MACF1: variants seen among roughly 807,000 people sequenced by gnomAD.
MACF1 encodes the protein microtubule actin crosslinking factor 1.
A neutral mutation model predicts 854.8 loss-of-function variants in MACF1; 193 were observed. That is an observed-to-expected ratio of 0.23 (90% CI 0.20 to 0.25). MACF1 has a LOEUF of 0.25. Among genes scored for constraint, MACF1 ranks in the 10% least tolerant of loss-of-function variants. The probability of loss-of-function intolerance (pLI) is 1.00; values close to 1 mark genes in which losing one functional copy is unlikely to be tolerated. For missense variants in MACF1, 7,722 were observed against 8,929.1 expected, an observed-to-expected ratio of 0.86 and a Z score of 5.45; for synonymous variants, 3,185 against 3,226.7, an observed-to-expected ratio of 0.99 and a Z score of 0.44.
Position 39,295,811 on chromosome 1 carries a change from C to T in MACF1, c.2284C>T (p.Gln762Ter). The change falls in exon 20 of 101, where the codon CAG becomes TAG. Residue 762 changes from glutamine to a stop codon, truncating the protein, a stop_gained. Coordinates refer to ENST00000564288, the MANE Select transcript of MACF1 (RefSeq NM_001394062.1). LOFTEE classifies it high-confidence loss of function. The stretch of plus-strand genomic sequence containing the variant: ...GGCTTACAGTGCTGCTGTCCAGTCC[C>T]AGTTGCAGTGGATGAAGCAGCTGTG... ...VEAYSAAVQS[Q>*]LQWMKQLCLC... The T allele has an allele frequency of 6.2e-7, 1 of 1,614,016 alleles. No homozygotes were observed.
intron 2 of MACF1, among the ~76,000 whole-genome samples, chr1:39,098,079 G>A (rs1349687772): frequency 6.6e-6 from 1 of 152,212 alleles, no homozygotes; most frequent in Non-Finnish European, 1.5e-5. Flanking sequence ...ACCCTGTCCT[G>A]CCTCAGAGCA....
At chr1:39,424,261 C>G in intron 61 of MACF1, 67 bp downstream of exon 61, 1 of 1,349,780 alleles carries the variant, frequency 7.4e-7, no homozygotes. Context: ...CTTATTATCA[C>G]TATAAGTTCT....
At chr1:39,086,890 G>A (rs574545403) in intron 2 of MACF1, among the ~76,000 whole-genome samples, 1 of 152,302 alleles carries the variant, frequency 6.6e-6, no homozygotes, top group East Asian at 1.9e-4. Flanking sequence ...TGAGGAGGGG[G>A]CTGGGCCAGT....
In MACF1 at chr1:39,440,971, T is replaced by A. The variant is rs367709712; in HGVS notation, c.18448-32T>A. The A allele has an allele frequency of 7.0e-5, 113 of 1,613,408 alleles. 2 individuals carry two copies. The East Asian group carries it at 2.1e-3, about 30-fold the overall frequency. ...TTGGTAAGTTCTGTTCTGTTTTCTATTTTGGCTTATATTCTATTCGTTTAC... is the reference window on the plus strand; with the variant it reads ...TTGGTAAGTTCTGTTCTGTTTTCTAATTTGGCTTATATTCTATTCGTTTAC... On this transcript the variant is annotated intron_variant, in intron 72 of 100. Transcript: ENST00000564288.
intron 1 of MACF1, among the ~76,000 whole-genome samples, chr1:39,209,152 G>A (rs199707117): frequency 6.7e-6 from 1 of 150,018 alleles, no homozygotes; most frequent in Non-Finnish European, 1.5e-5. Context: ...CTGGGGAGGC[G>A]GAGGTTGCAG....
chr1:39,422,817 G>A lies in MACF1; in HGVS notation c.16066G>A (p.Ala5356Thr), dbSNP rs1213129170. ...CTTGGAGCCATTGCTCAGCTGGTTG[G>A]CAGATACCGAGGAGCTCATAGCCAA... Reference protein sequence around the residue: ...DALEPLLSWLADTEELIANQK... With the variant: ...DALEPLLSWLTDTEELIANQK... The change falls in exon 60 of 101, where the codon GCA (alanine) becomes ACA (threonine). Residue 5356 changes from alanine to threonine, a missense_variant. Ala to Thr is a moderately conservative substitution (Grantham distance 58). Around this residue, in one of 15 missense-constraint regions of MACF1, gnomAD observed 2,807 missense variants for 3,235.8 expected, o/e 0.87. Coordinates refer to ENST00000564288, the MANE Select transcript of MACF1 (RefSeq NM_001394062.1). 6.2e-7 allele frequency: 1 copy of A among 1,614,168 alleles called. No homozygotes were observed. Among genetic ancestry groups the A allele is most frequent in the South Asian group, 1.1e-5 (1 of 91,078 alleles).
In MACF1 at chr1:39,331,358, T is replaced by A. The variant is rs1193747801; in HGVS notation, c.4770T>A (p.Gly1590=). 1.2e-6 allele frequency: 2 copies of A among 1,613,904 alleles called. No individual in the cohort carries two copies. Among genetic ancestry groups the A allele is most frequent in the South Asian group, 1.1e-5 (1 of 91,064 alleles). ...IMSGLIAPET[G]ENLSLEEGIA... ...CTGGCCTCATTGCCCCTGAGACGGG[T>A]GAAAACCTCTCTTTGGAGGAGGGCA... Residue 1590 remains glycine, a synonymous_variant, in exon 37 of 101, where the codon GGT becomes GGA. Transcript: ENST00000564288.
intron 5 of MACF1, 60 bp from the exon 6 acceptor site, chr1:39,257,876 A>G: frequency 2.3e-6 from 3 of 1,308,576 alleles, no homozygotes; most frequent in Middle Eastern, 1.9e-4. Flanking sequence ...AAGTGATGCA[A>G]AAATTTAATC....
intron 60 of MACF1, 83 bp from the exon 61 acceptor site, chr1:39,423,945 G>T: frequency 1.6e-6 from 2 of 1,253,044 alleles, no homozygotes; most frequent in African/African-American, 1.6e-5. Context: ...TTGGCGGGTT[G>T]GTTTCTTTTG....
At chr1:39,287,644 G>C in intron 15 of MACF1, 82 bp downstream of exon 15, 1 of 1,433,038 alleles carries the variant, frequency 7.0e-7, no homozygotes, top group Non-Finnish European at 9.7e-7. Context: ...AAATTGCTTT[G>C]TGTTCCCTGT....
At position 39,297,714 on chromosome 1, in the gene MACF1, C is replaced by G; in HGVS notation, c.2450C>G (p.Ser817Cys). ...TCCTGTGACCACAACACCAGCTTATCCCGCCTTGAAGACCTGCTCCAGGAC... is the reference window on the plus strand; with the variant it reads ...TCCTGTGACCACAACACCAGCTTATGCCGCCTTGAAGACCTGCTCCAGGAC... ...KYSCDHNTSL[S>C]RLEDLLQDSM... The change falls in exon 21 of 101, where the codon TCC becomes TGC. Residue 817 changes from serine (S) to cysteine (C), a missense_variant. Coordinates refer to ENST00000564288, the MANE Select transcript of MACF1 (RefSeq NM_001394062.1). 1 of 1,614,176 alleles carries G rather than the reference C, an allele frequency of 6.2e-7. No homozygotes were observed.
intron 44 of MACF1, among the ~76,000 whole-genome samples, chr1:39,355,925 C>T (rs1569667457): frequency 6.6e-6 from 1 of 152,074 alleles, no homozygotes; most frequent in East Asian, 1.9e-4. Context: ...GTCTCAAAAA[C>T]CTAGCTTCAG....
chr1:39,441,000 T>C lies in MACF1; in HGVS notation c.18448-3T>C. On this transcript the variant is annotated splice_region_variant and splice_polypyrimidine_tract_variant and intron_variant, in intron 72 of 100. Transcript: ENST00000564288. ...GGCTTATATTCTATTCGTTTACATG[T>C]AGACTATTAAGGAAGAGACAGATGG... 1 of 1,614,172 alleles carries C rather than the reference T, an allele frequency of 6.2e-7. No individual in the cohort carries two copies. The highest frequency in any genetic ancestry group is 8.5e-7 in the Non-Finnish European group (1 of 1,180,010).
intron 2 of MACF1, among the ~76,000 whole-genome samples, chr1:39,100,330 C>A (rs1462902966): frequency 6.6e-6 from 1 of 152,112 alleles, no homozygotes; most frequent in African/African-American, 2.4e-5. Context: ...CTAGGCAAAG[C>A]CTCAGAGTCT....
intron 74 of MACF1, among the ~76,000 whole-genome samples, chr1:39,441,540 G>A (rs983811876): frequency 1.3e-5 from 2 of 152,150 alleles, no homozygotes; most frequent in South Asian, 2.1e-4. Flanking sequence ...GTTTATCATT[G>A]CCTGCTCATC....
chr1:39,228,695 C>G (rs1344665417), intron 1 of MACF1, among the ~76,000 whole-genome samples: 1 of 152,206 alleles, frequency 6.6e-6, no homozygotes, highest in Non-Finnish European at 1.5e-5. Context: ...TGCCCTCTTG[C>G]CAGGCTGGAG....
In MACF1 at chr1:39,380,621, G is replaced by A. The variant is rs892115498; in HGVS notation, c.13648+248G>A. Among the ~76,000 whole-genome samples, 3 of 152,252 alleles carry A rather than the reference G, an allele frequency of 2.0e-5. No homozygotes were observed. In the South Asian group the frequency reaches 6.2e-4, roughly 32 times the overall value. Reference sequence around the variant, plus strand: ...TAATCTACTGTGATCAAGAACCAAAGAGAGGCCAGGAACAGTGCCTCACAC... The same window carrying A: ...TAATCTACTGTGATCAAGAACCAAAAAGAGGCCAGGAACAGTGCCTCACAC... On this transcript the variant is annotated intron_variant, in intron 55 of 100. Coordinates refer to ENST00000564288, the MANE Select transcript of MACF1 (RefSeq NM_001394062.1).
At chr1:39,274,141 CTTA>C (rs756455198) in intron 6 of MACF1, among the ~76,000 whole-genome samples, 24 of 151,842 alleles carry the variant, frequency 1.6e-4, no homozygotes, top group African/African-American at 4.6e-4. Flanking sequence ...TACATAGGGA[CTTA>C]TTATACTATT....
intron 64 of MACF1, 24 bp from the exon 65 acceptor site, chr1:39,429,803 G>A: frequency 6.2e-7 from 1 of 1,612,192 alleles, no homozygotes; most frequent in South Asian, 1.1e-5. Context: ...TTAAATATGA[G>A]TAATTGTGTG....
Sources: gnomAD v4.1 joint callset for allele counts (sites outside exome capture counted in the v4.1 genomes callset) on GRCh38, gnomAD v4.1.1 for gene constraint, gnomAD v4.1.1 regional missense constraint, MANE v1.5 for transcripts, NCBI Gene and HGNC (gene_info 2026-07-23, HGNC 2026-07-21) for gene names.